CHODL: variants seen among roughly 807,000 people sequenced by gnomAD.
The protein encoded by CHODL is transmembrane protein MT75.
In CHODL, 29 loss-of-function variants were observed where a neutral mutation model predicts 34.5. The ratio of observed to expected loss-of-function variants is 0.84; its 90% confidence interval spans 0.63 to 1.15. The LOEUF (loss-of-function observed/expected upper bound fraction) is 1.15. CHODL is among the 50% of genes most tolerant of loss of function. The pLI, the probability that CHODL is intolerant of heterozygous loss-of-function variation, is 0.00. For synonymous variants in CHODL, 125 were observed against 116.1 expected (o/e 1.08, Z -0.49); for missense variants, 332 against 332.5 (o/e 1.00, Z 0.01).
intron 2 of CHODL, among the ~76,000 whole-genome samples, chr21:18,116,508 A>G (rs2824634): frequency 0.38 from 57,218 of 152,060 alleles, 12,456 homozygotes; most frequent in East Asian, 0.78. Flanking sequence ...TCTCATTTCT[A>G]TGTTAATTGA....
intron 2 of CHODL, among the ~76,000 whole-genome samples, chr21:18,158,986 C>T (rs1409690314): frequency 5.3e-5 from 8 of 152,188 alleles, no homozygotes; most frequent in Non-Finnish European, 1.5e-5. Context: ...CATTTGACAG[C>T]ACTTTCTGGT....
At chr21:18,094,660 T>A (rs1183917053) in intron 2 of CHODL, among the ~76,000 whole-genome samples, 1 of 145,602 alleles carries the variant, frequency 6.9e-6, no homozygotes, top group African/African-American at 2.5e-5. Flanking sequence ...TAACAAATTA[T>A]AATGGAAACA....
At chr21:18,038,439 C>A (rs1034002522) in intron 2 of CHODL, among the ~76,000 whole-genome samples, 1 of 151,622 alleles carries the variant, frequency 6.6e-6, no homozygotes, top group Non-Finnish European at 1.5e-5. Context: ...CAATTTGACA[C>A]GAATTCAGGA....
chr21:18,187,995 T>C (rs2073463666), intron 2 of CHODL, among the ~76,000 whole-genome samples: 1 of 152,218 alleles, frequency 6.6e-6, no homozygotes, highest in South Asian at 2.1e-4. Context: ...GAGTTTGGAA[T>C]GACCCCAGCA....
At chr21:18,056,603 C>T (rs2064584490) in intron 2 of CHODL, among the ~76,000 whole-genome samples, 1 of 151,574 alleles carries the variant, frequency 6.6e-6, no homozygotes, top group South Asian at 2.1e-4. Flanking sequence ...CCTTGGAGAT[C>T]GTTTTGTTCC....
chr21:18,195,416 C>T (rs1231087896), intron 2 of CHODL, among the ~76,000 whole-genome samples: 2 of 152,114 alleles, frequency 1.3e-5, no homozygotes, highest in African/African-American at 4.8e-5. Context: ...CTCATTTCTC[C>T]TTTCTAACTG....
At chr21:17,969,363 G>A (rs931336802) in intron 1 of CHODL, among the ~76,000 whole-genome samples, 2 of 152,150 alleles carry the variant, frequency 1.3e-5, no homozygotes, top group African/African-American at 4.8e-5. Flanking sequence ...GAAAAGAAAA[G>A]AGAAAGATGT....
intron 2 of CHODL, among the ~76,000 whole-genome samples, chr21:18,118,353 G>A (rs1447248926): frequency 6.6e-6 from 1 of 152,074 alleles, no homozygotes; most frequent in East Asian, 1.9e-4. Context: ...AGTAGGTAAT[G>A]AGACAGACAA....
chr21:17,932,108 A>G (rs1223178414), intron 1 of CHODL, among the ~76,000 whole-genome samples: 2 of 152,214 alleles, frequency 1.3e-5, no homozygotes, highest in African/African-American at 4.8e-5. Flanking sequence ...ACTCTACAAC[A>G]ACAACAATGA....
chr21:18,120,477 TCA>T (rs1054326572), intron 2 of CHODL, among the ~76,000 whole-genome samples: 2 of 152,178 alleles, frequency 1.3e-5, no homozygotes, highest in Non-Finnish European at 2.9e-5. Flanking sequence ...GAGCTGAAAT[TCA>T]CAGTTTTATC....
At chr21:17,917,788 G>A (rs943235138) in intron 1 of CHODL, among the ~76,000 whole-genome samples, 1 of 152,054 alleles carries the variant, frequency 6.6e-6, no homozygotes, top group African/African-American at 2.4e-5. Context: ...TCTACAGGAG[G>A]TAAATGAATG....
At chr21:18,173,647 T>C (rs2073257988) in intron 2 of CHODL, among the ~76,000 whole-genome samples, 2 of 152,156 alleles carry the variant, frequency 1.3e-5, no homozygotes, top group South Asian at 4.1e-4. Context: ...CTGCTTTAAT[T>C]CTGCTCTCAA....
At chr21:18,211,780 C>T (rs2073777573) in intron 2 of CHODL, among the ~76,000 whole-genome samples, 2 of 152,166 alleles carry the variant, frequency 1.3e-5, no homozygotes, top group African/African-American at 4.8e-5. Flanking sequence ...CAGAACCGAC[C>T]TGGAACTTTT....
At chr21:17,973,696 A>G (rs534515728) in intron 1 of CHODL, among the ~76,000 whole-genome samples, 189 of 151,476 alleles carry the variant, frequency 1.2e-3, no homozygotes, top group South Asian at 2.5e-3. Flanking sequence ...CTGGGATCAT[A>G]GGCGTGAGCC....
chr21:18,211,878 T>G (rs1381404367), intron 2 of CHODL, among the ~76,000 whole-genome samples: 2 of 152,204 alleles, frequency 1.3e-5, no homozygotes, highest in South Asian at 2.1e-4. Context: ...CACCATAAAT[T>G]TATTCATTTG....
At chr21:18,260,386 T>C (rs1469586652) in intron 4 of CHODL, 100 bp downstream of exon 4, 5 of 719,952 alleles carry the variant, frequency 6.9e-6, no homozygotes, top group Non-Finnish European at 1.2e-5. Flanking sequence ...CCTGGGGAAG[T>C]GGTTCACTAA....
intron 2 of CHODL, among the ~76,000 whole-genome samples, chr21:18,114,122 A>G (rs2065383937): frequency 6.6e-6 from 1 of 152,188 alleles, no homozygotes. Context: ...AAGTAGAAGG[A>G]TGGTTACCAG....
intron 1 of CHODL, among the ~76,000 whole-genome samples, chr21:18,006,490 C>T (rs983124550): frequency 6.6e-6 from 1 of 152,164 alleles, no homozygotes; most frequent in African/African-American, 2.4e-5. Flanking sequence ...CCTTTCCTCC[C>T]TCACAGGAGC....
chr21:18,000,236 G>A (rs2063892730), intron 1 of CHODL, among the ~76,000 whole-genome samples: 1 of 152,030 alleles, frequency 6.6e-6, no homozygotes, highest in African/African-American at 2.4e-5. Flanking sequence ...TAATTTAATA[G>A]CTGTTTATGT....
Sources: allele counts gnomAD v4.1 joint callset (sites outside exome capture counted in the v4.1 genomes callset), GRCh38; gene constraint gnomAD v4.1.1; transcripts MANE v1.5; gene names NCBI Gene and HGNC (gene_info 2026-07-23, HGNC 2026-07-21).